SLC30A9: variants seen among roughly 807,000 people sequenced by gnomAD.
The protein encoded by SLC30A9 is solute carrier family 30 member 9.
In SLC30A9, 58 loss-of-function variants were observed where a neutral mutation model predicts 87.5. The ratio of observed to expected loss-of-function variants is 0.66; its 90% confidence interval spans 0.54 to 0.82. The LOEUF is 0.82. SLC30A9 is among the 40% of genes least tolerant of loss of function. The pLI, the probability that SLC30A9 is intolerant of heterozygous loss-of-function variation, is 0.00. For synonymous variants in SLC30A9, 234 were observed against 233.0 expected (o/e 1.00, Z -0.04); for missense variants, 557 against 679.1 (o/e 0.82, Z 2.00).
chr4:42,031,954 G>A (rs1347129513), intron 6 of SLC30A9, among the ~76,000 whole-genome samples: 2 of 152,158 alleles, frequency 1.3e-5, no homozygotes, highest in Non-Finnish European at 1.5e-5. Context: ...AAAGAAAAGA[G>A]GTTTAATTAG....
chr4:42,053,959 G>C (rs1477400557), intron 9 of SLC30A9, among the ~76,000 whole-genome samples: 1 of 152,136 alleles, frequency 6.6e-6, no homozygotes, highest in Non-Finnish European at 1.5e-5. Context: ...CTGATGTCGG[G>C]GAGGAAAGAG....
Position 41,990,584 on chromosome 4 carries a change from T to G in SLC30A9, c.-68T>G. On this transcript the variant is annotated 5_prime_UTR_variant, in exon 1 of 18. Coordinates refer to ENST00000264451, the MANE Select transcript of SLC30A9 (RefSeq NM_006345.4). ...GTTCGCTGATGTCCAGTCTATGGAG[T>G]CAGTTGGTACCGGTGGCGGCGCGGA... 9.9e-6 allele frequency: 9 copies of G among 910,502 alleles called. No homozygotes were observed. Among genetic ancestry groups the G allele is most frequent in the East Asian group, 5.2e-5 (2 of 38,282 alleles). The allele number at this position is 910,502 out of a possible 1,614,324, so 56.4% of individuals were successfully genotyped here.
At chr4:42,030,044 C>T in intron 6 of SLC30A9, 1 of 868,686 alleles carries the variant, frequency 1.2e-6, no homozygotes. Flanking sequence ...TAGTGTAAAG[C>T]AGATGGTGAG....
intron 17 of SLC30A9, among the ~76,000 whole-genome samples, chr4:42,079,527 C>T (rs529245472): frequency 6.6e-6 from 1 of 150,938 alleles, no homozygotes; most frequent in Non-Finnish European, 1.5e-5. Context: ...CTCCTGACCT[C>T]AAGTGATCTG....
At chr4:42,082,554 T>C (rs1461360350) in intron 17 of SLC30A9, among the ~76,000 whole-genome samples, 1 of 152,128 alleles carries the variant, frequency 6.6e-6, no homozygotes, top group Non-Finnish European at 1.5e-5. Flanking sequence ...GGCTTAAAAT[T>C]CCAGAACTTG....
chr4:42,014,781 C>A (rs1011651479), intron 2 of SLC30A9, among the ~76,000 whole-genome samples: 2 of 152,048 alleles, frequency 1.3e-5, no homozygotes, highest in Non-Finnish European at 2.9e-5. Context: ...GAGGTTGTTA[C>A]GTTAAGTGAA....
chr4:42,081,999 C>A (rs374652035), intron 17 of SLC30A9, among the ~76,000 whole-genome samples: 1 of 151,736 alleles, frequency 6.6e-6, no homozygotes. Context: ...GGGTGGATCA[C>A]GAGGTCAGGA....
intron 8 of SLC30A9, among the ~76,000 whole-genome samples, chr4:42,046,019 A>G (rs1013175653): frequency 6.6e-5 from 10 of 152,240 alleles, no homozygotes; most frequent in Admixed American, 2.0e-4. Context: ...AAGCCCTTCA[A>G]TAAAATTCAA....
chr4:42,063,773 C>G (rs1304022037), intron 11 of SLC30A9, among the ~76,000 whole-genome samples: 2 of 152,102 alleles, frequency 1.3e-5, no homozygotes, highest in Non-Finnish European at 1.5e-5. Context: ...ATGGGCACTT[C>G]TTGGAGATTA....
At chr4:42,017,521 G>A (rs1715774927) in intron 2 of SLC30A9, among the ~76,000 whole-genome samples, 1 of 151,642 alleles carries the variant, frequency 6.6e-6, no homozygotes, top group Admixed American at 6.6e-5. Context: ...TCTACTATAA[G>A]GCATGTAAAT....
At chr4:42,022,244 C>CTTTTTTTTTTTTTTTTTTTTT (rs113214269) in intron 4 of SLC30A9, among the ~76,000 whole-genome samples, 1 of 128,560 alleles carries the variant, frequency 7.8e-6, no homozygotes, top group Non-Finnish European at 1.6e-5. Flanking sequence ...TTATTTTTCA[C>CTTTTTTTTTTTTTTTTTTTTT]TTTTTTTTTT....
intron 11 of SLC30A9, among the ~76,000 whole-genome samples, chr4:42,064,850 T>A (rs1273140432): frequency 6.6e-6 from 1 of 152,158 alleles, no homozygotes; most frequent in East Asian, 1.9e-4. Flanking sequence ...ATTCTGTAGA[T>A]GTTTGGTTTG....
chr4:42,009,413 T>G (rs1238057472), intron 2 of SLC30A9, among the ~76,000 whole-genome samples: 1 of 152,250 alleles, frequency 6.6e-6, no homozygotes, highest in East Asian at 1.9e-4. Flanking sequence ...AAGCAGAGAC[T>G]TGCTAAGGAA....
chr4:42,030,949 G>A (rs9654068), intron 6 of SLC30A9, among the ~76,000 whole-genome samples: 98,360 of 151,916 alleles, frequency 0.65, 36,003 homozygotes, highest in East Asian at 0.96. Flanking sequence ...TCCTTTCTGG[G>A]GGCATCATGC....
intron 4 of SLC30A9, among the ~76,000 whole-genome samples, chr4:42,022,520 T>C (rs1716015088): frequency 6.6e-6 from 1 of 152,122 alleles, no homozygotes; most frequent in African/African-American, 2.4e-5. Context: ...ACCTAACTTT[T>C]CACTTTTTTC....
intron 8 of SLC30A9, among the ~76,000 whole-genome samples, chr4:42,045,688 T>C (rs1282250717): frequency 1.3e-5 from 2 of 150,850 alleles, no homozygotes; most frequent in East Asian, 3.9e-4. Context: ...TTCCAAACAA[T>C]AGGAAAAGAA....
intron 10 of SLC30A9, among the ~76,000 whole-genome samples, chr4:42,062,610 A>C (rs552858931): frequency 6.6e-6 from 1 of 152,324 alleles, no homozygotes; most frequent in Admixed American, 6.5e-5. Context: ...GAAAATATTC[A>C]ATTAGAAGCT....
chr4:42,082,041 C>A (rs979647961), intron 17 of SLC30A9, among the ~76,000 whole-genome samples: 2 of 151,904 alleles, frequency 1.3e-5, no homozygotes, highest in Non-Finnish European at 2.9e-5. Context: ...AATGACGAAA[C>A]CCCGTCTCTA....
At chr4:42,047,218 A>C (rs10454786) in intron 8 of SLC30A9, among the ~76,000 whole-genome samples, 2 of 152,090 alleles carry the variant, frequency 1.3e-5, no homozygotes, top group African/African-American at 4.8e-5. Context: ...ACAAAAGCCA[A>C]AATTGACAAA....
Sources: gnomAD v4.1 joint callset for allele counts (sites outside exome capture counted in the v4.1 genomes callset) on GRCh38, gnomAD v4.1.1 for gene constraint, MANE v1.5 for transcripts, NCBI Gene and HGNC (gene_info 2026-07-23, HGNC 2026-07-21) for gene names.